The following GRID2 variants were observed in gnomAD, a reference collection of about 807,000 sequenced individuals.
The protein encoded by GRID2 is glutamate ionotropic receptor delta type subunit 2.
A neutral mutation model predicts 114.8 loss-of-function variants in GRID2; 33 were observed. That is an observed-to-expected ratio of 0.29 (90% CI 0.22 to 0.38). The LOEUF is 0.38. Among genes scored for constraint, GRID2 ranks in the 10% least tolerant of loss-of-function variants. The pLI is 1.00. For missense variants in GRID2, 1,184 were observed against 1,257.7 expected (o/e 0.94, Z 0.89); for synonymous variants, 505 against 449.9 (o/e 1.12, Z -1.55).
intron 2 of GRID2, among the ~76,000 whole-genome samples, chr4:92,824,943 A>G (rs889232224): frequency 2.6e-5 from 4 of 152,124 alleles, no homozygotes; most frequent in African/African-American, 9.7e-5. Context: ...AAATATATGA[A>G]AGTTTATAAT....
At chr4:92,875,444 G>A (rs1745562875) in intron 2 of GRID2, among the ~76,000 whole-genome samples, 1 of 152,118 alleles carries the variant, frequency 6.6e-6, no homozygotes, top group Non-Finnish European at 1.5e-5. Context: ...GATTACAGGC[G>A]TGAGCCACGT....
intron 4 of GRID2, among the ~76,000 whole-genome samples, chr4:93,180,842 C>T (rs1739824865): frequency 6.6e-6 from 1 of 152,122 alleles, no homozygotes; most frequent in African/African-American, 2.4e-5. Flanking sequence ...TTCTTATTCC[C>T]TTGCTATTTA....
intron 2 of GRID2, among the ~76,000 whole-genome samples, chr4:92,608,093 C>T (rs1185073085): frequency 6.6e-6 from 1 of 151,652 alleles, no homozygotes; most frequent in Non-Finnish European, 1.5e-5. Flanking sequence ...AAAATAAATC[C>T]TTGCGACTGA....
intron 5 of GRID2, among the ~76,000 whole-genome samples, chr4:93,209,708 C>T (rs141068263): frequency 6.6e-6 from 1 of 152,174 alleles, no homozygotes; most frequent in African/African-American, 2.4e-5. Context: ...AATTTACACT[C>T]CCACCACCAA....
chr4:92,593,488 G>A (rs371841351), intron 2 of GRID2, among the ~76,000 whole-genome samples: 35 of 151,992 alleles, frequency 2.3e-4, no homozygotes, highest in African/African-American at 7.5e-4. Flanking sequence ...TTCCTTTGTA[G>A]CTTTGGCTAC....
intron 2 of GRID2, among the ~76,000 whole-genome samples, chr4:93,010,038 C>CTTTATTCTA (rs1189901079): frequency 6.6e-6 from 1 of 152,006 alleles, no homozygotes; most frequent in Non-Finnish European, 1.5e-5. Flanking sequence ...GTCAACTAAC[C>CTTTATTCTA]TTTATTCTAC....
At chr4:93,374,622 T>A (rs1179710447) in intron 8 of GRID2, among the ~76,000 whole-genome samples, 2 of 152,154 alleles carry the variant, frequency 1.3e-5, no homozygotes, top group Non-Finnish European at 2.9e-5. Context: ...ATCCCCCCCA[T>A]AGAGCTCTCC....
intron 14 of GRID2, among the ~76,000 whole-genome samples, chr4:93,630,237 G>A (rs967772788): frequency 6.6e-6 from 1 of 152,114 alleles, no homozygotes; most frequent in African/African-American, 2.4e-5. Context: ...GGTAAGTAAG[G>A]CTTGCAGTGA....
At chr4:92,548,259 G>A (rs1222049679) in intron 1 of GRID2, among the ~76,000 whole-genome samples, 1 of 152,020 alleles carries the variant, frequency 6.6e-6, no homozygotes, top group Non-Finnish European at 1.5e-5. Context: ...TACACTTCTA[G>A]TCTGCTTGTG....
At chr4:92,684,252 G>C (rs1733791931) in intron 2 of GRID2, among the ~76,000 whole-genome samples, 4 of 151,962 alleles carry the variant, frequency 2.6e-5, no homozygotes, top group Non-Finnish European at 5.9e-5. Flanking sequence ...AGTGCTTAAA[G>C]TGCAGAGTGA....
chr4:92,788,379 A>G (rs1379119011), intron 2 of GRID2, among the ~76,000 whole-genome samples: 3 of 151,918 alleles, frequency 2.0e-5, no homozygotes, highest in Non-Finnish European at 4.4e-5. Context: ...GTTTTGATAG[A>G]GAATTGAAAG....
At chr4:92,980,155 A>AT (rs1754104060) in intron 2 of GRID2, among the ~76,000 whole-genome samples, 1 of 152,080 alleles carries the variant, frequency 6.6e-6, no homozygotes, top group Non-Finnish European at 1.5e-5. Flanking sequence ...CAAGAACCCA[A>AT]TTTTTGACTA....
intron 2 of GRID2, among the ~76,000 whole-genome samples, chr4:92,632,110 G>C (rs62309160): frequency 0.047 from 7,161 of 152,086 alleles, 208 homozygotes; most frequent in East Asian, 0.095. Flanking sequence ...TATTTCAAAG[G>C]TCATTTAAAT....
chr4:92,871,345 G>C (rs1400265508), intron 2 of GRID2, among the ~76,000 whole-genome samples: 1 of 151,634 alleles, frequency 6.6e-6, no homozygotes, highest in Non-Finnish European at 1.5e-5. Context: ...AAGTTAAAAG[G>C]TTAAGTAAAT....
rs1266154199 is a variant in GRID2 at position 92,627,576 on chromosome 4, C to A, written c.244+37290C>A. On this transcript the variant is annotated intron_variant, in intron 2 of 15. Transcript: ENST00000282020. ...CTGATTTTTGCTAACTTCTTATATC[C>A]ATAGCCAACATATTTGTGCAATTTA... is the stretch of plus-strand genomic sequence containing the variant. Among the ~76,000 whole-genome samples, 3 of 152,100 alleles carry A rather than the reference C, an allele frequency of 2.0e-5. No homozygotes were observed. In the East Asian group the frequency reaches 5.8e-4, roughly 29 times the overall value.
intron 11 of GRID2, among the ~76,000 whole-genome samples, chr4:93,471,928 G>A (rs1275340423): frequency 1.3e-5 from 2 of 148,930 alleles, no homozygotes; most frequent in African/African-American, 2.5e-5. Context: ...TCGAACTCCC[G>A]ACCTCAGGTG....
intron 2 of GRID2, among the ~76,000 whole-genome samples, chr4:92,751,501 C>T (rs982583047): frequency 6.6e-6 from 1 of 152,082 alleles, no homozygotes; most frequent in South Asian, 2.1e-4. Context: ...TATAAAACTT[C>T]CAAGTTGAGT....
intron 13 of GRID2, among the ~76,000 whole-genome samples, chr4:93,592,685 G>C (rs1433486291): frequency 2.0e-5 from 3 of 152,058 alleles, no homozygotes; most frequent in African/African-American, 7.2e-5. Context: ...TTAATGTGTG[G>C]GAGTCTAAGT....
intron 14 of GRID2, among the ~76,000 whole-genome samples, chr4:93,714,030 A>C (rs1728702717): frequency 6.6e-6 from 1 of 152,042 alleles, no homozygotes; most frequent in Admixed American, 6.6e-5. Flanking sequence ...TACACAGATC[A>C]TCCCATCACC....
Sources: gnomAD v4.1 joint callset for allele counts (sites outside exome capture counted in the v4.1 genomes callset) on GRCh38, gnomAD v4.1.1 for gene constraint, MANE v1.5 for transcripts, NCBI Gene and HGNC (gene_info 2026-07-23, HGNC 2026-07-21) for gene names.